SLC35F4: variants seen among roughly 807,000 people sequenced by gnomAD.
SLC35F4 encodes the protein chromosome 14 open reading frame 36.
SLC35F4 carries 24 observed loss-of-function variants against 44.2 expected under a neutral mutation model. The ratio of observed to expected loss-of-function variants is 0.54; its 90% CI spans 0.39 to 0.76. The LOEUF is 0.76. Among genes scored for constraint, SLC35F4 ranks in the 30% least tolerant of loss-of-function variants. The pLI is 0.00. For synonymous variants in SLC35F4, 238 were observed against 223.6 expected (o/e 1.06, Z -0.57); for missense variants, 562 against 586.1 (o/e 0.96, Z 0.42).
In SLC35F4 at chr14:57,828,802, C is replaced by T. The variant is rs143700736; in HGVS notation, c.103+36921G>A. 6.6e-4 allele frequency among the ~76,000 whole-genome samples: 101 copies of T among 152,248 alleles called. 1 individual carries two copies. The highest frequency in any genetic ancestry group is 2.3e-3 in the African/African-American group (97 of 41,556). The stretch of plus-strand genomic sequence containing the variant: ...GTCTGCCATGGGGTGAAGGATTCAG[C>T]AATTCTGCCTTAGAAATAAAGGTGA... On this transcript the variant is annotated intron_variant, in intron 1 of 7. Coordinates refer to ENST00000556826, the MANE Select transcript of SLC35F4 (RefSeq NM_001306087.2).
At chr14:57,751,089 G>A (rs2076873869) in intron 1 of SLC35F4, among the ~76,000 whole-genome samples, 1 of 152,056 alleles carries the variant, frequency 6.6e-6, no homozygotes, top group Non-Finnish European at 1.5e-5. Context: ...ATGGGGCAGG[G>A]ACTTTATGTA....
At chr14:57,887,725 C>T (rs1377572748) in intron 1 of SLC35F4, among the ~76,000 whole-genome samples, 4 of 152,168 alleles carry the variant, frequency 2.6e-5, no homozygotes, top group Non-Finnish European at 5.9e-5. Context: ...GTGTCAGAGG[C>T]AAGGTAAGGA....
chr14:57,764,368 A>C (rs1365022309), intron 1 of SLC35F4, among the ~76,000 whole-genome samples: 1 of 152,200 alleles, frequency 6.6e-6, no homozygotes, highest in Non-Finnish European at 1.5e-5. Flanking sequence ...CTACCCAAAC[A>C]CTATGCTGCA....
intron 1 of SLC35F4, among the ~76,000 whole-genome samples, chr14:57,824,598 A>G (rs1041470122): frequency 6.6e-6 from 1 of 152,182 alleles, no homozygotes; most frequent in African/African-American, 2.4e-5. Flanking sequence ...CTTTGGGGTT[A>G]TCAAGGAAGG....
At chr14:57,902,310 T>C (rs1363084771) in intron 1 of SLC35F4, among the ~76,000 whole-genome samples, 2 of 152,174 alleles carry the variant, frequency 1.3e-5, no homozygotes, top group Non-Finnish European at 2.9e-5. Context: ...ACGCCTGTAA[T>C]CCCAGCACTT....
chr14:57,729,001 G>A, intron 1 of SLC35F4, among the ~76,000 whole-genome samples: 1 of 152,110 alleles, frequency 6.6e-6, no homozygotes, highest in Non-Finnish European at 1.5e-5. Flanking sequence ...GGCCTATAAG[G>A]TTTCCACTGA....
At position 57,748,428 on chromosome 14, in the gene SLC35F4, GT is replaced by G. The variant is rs969497425; in HGVS notation, c.103+117294del. 3.2e-4 allele frequency among the ~76,000 whole-genome samples: 48 copies of G among 151,928 alleles called. No homozygotes were observed. The South Asian group carries it at 5.8e-3, about 18-fold the overall frequency. On this transcript the variant is annotated intron_variant, in intron 1 of 7. Coordinates refer to ENST00000556826, the MANE Select transcript of SLC35F4 (RefSeq NM_001306087.2). ...CACTACCCTTTTATAGCTACAGTGG[GT>G]TTTTTTTAAAGGTATGATTCAGGAA... is the stretch of plus-strand genomic sequence containing the variant.
At chr14:57,717,115 C>A (rs993234806) in intron 1 of SLC35F4, among the ~76,000 whole-genome samples, 1 of 151,952 alleles carries the variant, frequency 6.6e-6, no homozygotes, top group African/African-American at 2.4e-5. Context: ...GTAGATGAAC[C>A]CTTAGGTTAA....
intron 4 of SLC35F4, among the ~76,000 whole-genome samples, chr14:57,573,458 G>T (rs2068616806): frequency 1.3e-5 from 2 of 152,148 alleles, no homozygotes; most frequent in Admixed American, 6.5e-5. Flanking sequence ...CCGGGTGTGT[G>T]TTCTGGTTAG....
At chr14:57,982,542 A>C (rs146552587), upstream of SLC35F4, among the ~76,000 whole-genome samples, 649 of 152,158 alleles carry the variant, frequency 4.3e-3, 7 homozygotes, top group African/African-American at 0.015. Context: ...GAATATGAGC[A>C]GAAGCAAAGG....
intron 1 of SLC35F4, among the ~76,000 whole-genome samples, chr14:57,846,370 G>A (rs1340676286): frequency 6.6e-6 from 1 of 151,872 alleles, no homozygotes; most frequent in African/African-American, 2.4e-5. Context: ...CTGAATATTG[G>A]GCCAAGTGTG....
downstream of SLC35F4, among the ~76,000 whole-genome samples, chr14:57,973,983 TGTA>T (rs1474394754): frequency 1.3e-5 from 2 of 152,202 alleles, no homozygotes; most frequent in African/African-American, 4.8e-5. Flanking sequence ...TCTATTGCTG[TGTA>T]GTAACTACCC....
At chr14:57,902,232 T>C (rs1348744662) in intron 1 of SLC35F4, among the ~76,000 whole-genome samples, 1 of 152,188 alleles carries the variant, frequency 6.6e-6, no homozygotes, top group Admixed American at 6.5e-5. Context: ...TTGGTGATAA[T>C]ATCAAGGGTC....
rs11275945 is a variant in SLC35F4 at position 57,925,495 on chromosome 14, AAGGGAGGGAGGGAGGGAGGGAGGGAGGG to A, written n.282+56390_282+56417del. ...GAAGGAAAGAAGGAAGGAAGGAAGG[AAGGGAGGGAGGGAGGGAGGGAGGGAGGG>A]AGGGAGGGAGGGAGGGAGGGAGGAA... On this transcript the variant is annotated intron_variant and non_coding_transcript_variant, in intron 1 of 1. Coordinates refer to the SLC35F4 transcript ENST00000556568. Among the ~76,000 whole-genome samples the A allele has an allele frequency of 0.051, 2,780 of 54,180 alleles. 430 individuals carry two copies. In the East Asian group the frequency reaches 0.58, roughly 11 times the overall value. The allele number at this position is 54,180 out of a possible 152,430, so 35.5% of individuals were successfully genotyped here.
At chr14:57,572,320 C>G (rs977107283) in intron 4 of SLC35F4, among the ~76,000 whole-genome samples, 1 of 152,022 alleles carries the variant, frequency 6.6e-6, no homozygotes, top group Admixed American at 6.5e-5. Context: ...TTTCTAGGGA[C>G]TAACATTTGT....
intron 1 of SLC35F4, among the ~76,000 whole-genome samples, chr14:57,692,063 G>A (rs1316426157): frequency 6.6e-6 from 1 of 152,172 alleles, no homozygotes; most frequent in Non-Finnish European, 1.5e-5. Flanking sequence ...ATTGTGATGA[G>A]ATCATGATAG....
At chr14:57,643,224 C>T (rs763331929) in intron 1 of SLC35F4, among the ~76,000 whole-genome samples, 1 of 151,812 alleles carries the variant, frequency 6.6e-6, no homozygotes, top group Admixed American at 6.6e-5. Flanking sequence ...ATGATTTGAC[C>T]AATTGTATTA....
At chr14:57,755,383 A>G (rs989584931) in intron 1 of SLC35F4, among the ~76,000 whole-genome samples, 1 of 152,228 alleles carries the variant, frequency 6.6e-6, no homozygotes, top group African/African-American at 2.4e-5. Flanking sequence ...GGGAGCAGAA[A>G]TAAGAGAGGC....
intron 1 of SLC35F4, among the ~76,000 whole-genome samples, chr14:57,948,448 G>A (rs754217536): frequency 3.3e-5 from 5 of 151,862 alleles, no homozygotes; most frequent in African/African-American, 7.3e-5. Flanking sequence ...TCTCACTAAC[G>A]GTCTATCAAT....
Sources: allele counts gnomAD v4.1 joint callset (sites outside exome capture counted in the v4.1 genomes callset), GRCh38; gene constraint gnomAD v4.1.1; transcripts MANE v1.5; gene names NCBI Gene and HGNC (gene_info 2026-07-23, HGNC 2026-07-21).